Variants in PTPRN2 observed in about 807,000 individuals in gnomAD.
PTPRN2 encodes protein tyrosine phosphatase receptor type N2.
PTPRN2 carries 74 observed loss-of-function variants against 118.8 expected under a neutral mutation model. That is an observed-to-expected ratio of 0.62 (90% CI 0.52 to 0.76). The LOEUF (loss-of-function observed/expected upper bound fraction) is 0.76, where lower values mean the gene tolerates loss of function less well. Ranked by LOEUF, PTPRN2 falls within the 30% of genes least tolerant of loss-of-function variation. The pLI is 0.00. For missense variants in PTPRN2, 1,481 were observed against 1,394.4 expected, an observed-to-expected ratio of 1.06 and a Z score of -0.99; for synonymous variants, 641 against 608.0, an observed-to-expected ratio of 1.05 and a Z score of -0.80.
chr7:158,152,275 C>G (rs1036203113), intron 6 of PTPRN2, among the ~76,000 whole-genome samples: 1 of 151,770 alleles, frequency 6.6e-6, no homozygotes, highest in Non-Finnish European at 1.5e-5. Context: ...TGGAGCACTG[C>G]TCTTTCATAC....
intron 3 of PTPRN2, among the ~76,000 whole-genome samples, chr7:158,248,254 G>C (rs1031560145): frequency 6.6e-6 from 1 of 152,108 alleles, no homozygotes; most frequent in Non-Finnish European, 1.5e-5. Flanking sequence ...GAGGAGAAAA[G>C]CCTTTGCTTT....
rs1563203374 is a variant in PTPRN2, at chr7:157,881,359, C to CAG, written c.1788+17312_1788+17313dup. ...TCCTTGTAGGAAGGAGATGCAGACA[C>CAG]AGGTGCACACAGAGGGGTGAGGACT... On this transcript the variant is annotated intron_variant, in intron 12 of 22. Coordinates refer to ENST00000389418, the MANE Select transcript of PTPRN2 (RefSeq NM_002847.5). This position sits in a 1 kb window ranked among gnomAD's most constrained non-coding sequence, Gnocchi z 4.7. Among the ~76,000 whole-genome samples the CAG allele has an allele frequency of 6.6e-6, 1 of 152,140 alleles. No homozygotes were observed. The highest frequency in any genetic ancestry group is 2.4e-5 in the African/African-American group (1 of 41,396).
chr7:158,485,756 A>T (rs942952291), intron 2 of PTPRN2, among the ~76,000 whole-genome samples: 7 of 152,124 alleles, frequency 4.6e-5, no homozygotes, highest in Non-Finnish European at 8.8e-5. Context: ...GAAAAACTGG[A>T]AAACCAGAGA....
chr7:158,171,042 T>C (rs531818174), intron 5 of PTPRN2, among the ~76,000 whole-genome samples: 30 of 127,462 alleles, frequency 2.4e-4, no homozygotes, highest in African/African-American at 9.3e-4. Context: ...TATATACACA[T>C]ACATATATAT....
chr7:157,556,982 CAAT>C (rs1334984625), intron 21 of PTPRN2, among the ~76,000 whole-genome samples: 1 of 151,130 alleles, frequency 6.6e-6, no homozygotes, highest in Non-Finnish European at 1.5e-5. Flanking sequence ...CATGCACACA[CAAT>C]GTCATACATA....
At chr7:157,816,614 C>T (rs897390041) in intron 12 of PTPRN2, among the ~76,000 whole-genome samples, 45 of 152,280 alleles carry the variant, frequency 3.0e-4, no homozygotes, top group Middle Eastern at 3.4e-3. Context: ...AGGAGGGGCC[C>T]GGGGGCAGGC....
At chr7:157,908,346 C>T (rs748776222) in intron 11 of PTPRN2, among the ~76,000 whole-genome samples, 2 of 152,250 alleles carry the variant, frequency 1.3e-5, no homozygotes, top group African/African-American at 2.4e-5. Flanking sequence ...TTGCGTGAGG[C>T]CTTTCATGCC....
chr7:158,334,665 T>C (rs1586330939), intron 2 of PTPRN2, among the ~76,000 whole-genome samples: 5 of 71,974 alleles, frequency 6.9e-5, no homozygotes, highest in Non-Finnish European at 1.5e-4. Flanking sequence ...TGGTGACACC[T>C]GCAGACGTCA....
At chr7:157,786,248 G>T (rs536654168) in intron 12 of PTPRN2, among the ~76,000 whole-genome samples, 2 of 152,226 alleles carry the variant, frequency 1.3e-5, no homozygotes, top group East Asian at 3.9e-4. Context: ...TACCGTTCAC[G>T]TATCCTGGCT....
chr7:157,606,384 A>G (rs1187684977), intron 15 of PTPRN2, among the ~76,000 whole-genome samples: 1 of 152,212 alleles, frequency 6.6e-6, no homozygotes, highest in African/African-American at 2.4e-5. Flanking sequence ...CGCGTGGAAC[A>G]GGATGCCCAG....
chr7:157,880,080 T>C (rs765564448), intron 12 of PTPRN2, among the ~76,000 whole-genome samples: 1 of 152,228 alleles, frequency 6.6e-6, no homozygotes, highest in African/African-American at 2.4e-5. Flanking sequence ...CTTCCGCTTA[T>C]TCATGTGTTA....
chr7:157,640,029 C>A (rs1243840588), intron 14 of PTPRN2, among the ~76,000 whole-genome samples: 2 of 152,206 alleles, frequency 1.3e-5, no homozygotes, highest in East Asian at 3.9e-4. Flanking sequence ...ACTAAAGCCC[C>A]ACCAATGAGG....
intron 16 of PTPRN2, among the ~76,000 whole-genome samples, chr7:157,601,712 G>C (rs1440158957): frequency 6.6e-6 from 1 of 152,252 alleles, no homozygotes; most frequent in African/African-American, 2.4e-5. Context: ...CTGTGGCCTG[G>C]AATAGCGCAG....
rs1806405586 is a variant in PTPRN2 at position 158,015,765 on chromosome 7, C to T, written c.1723+65533G>A. On this transcript the variant is annotated intron_variant, in intron 11 of 22. Transcript: ENST00000389418. This position sits in a 1 kb window ranked among gnomAD's most constrained non-coding sequence, Gnocchi z 4.2. Reference sequence around the variant, plus strand: ...AAATCACAAACATGTCTGTCTATTACAATTGTCTAATGGTCCCAGGTCCAA... The same window carrying T: ...AAATCACAAACATGTCTGTCTATTATAATTGTCTAATGGTCCCAGGTCCAA... Among the ~76,000 whole-genome samples the T allele has an allele frequency of 1.3e-5, 2 of 152,216 alleles. No homozygotes were observed. Among genetic ancestry groups the T allele is most frequent in the Admixed American group, 6.5e-5 (1 of 15,286 alleles).
intron 2 of PTPRN2, among the ~76,000 whole-genome samples, chr7:158,347,959 A>G (rs1272826890): frequency 2.0e-5 from 3 of 152,048 alleles, no homozygotes; most frequent in Admixed American, 1.3e-4. Flanking sequence ...CTGTTGTGGT[A>G]TCCTAGGATG....
intron 2 of PTPRN2, among the ~76,000 whole-genome samples, chr7:158,322,536 C>T (rs1301279932): frequency 6.6e-6 from 1 of 152,016 alleles, no homozygotes; most frequent in Non-Finnish European, 1.5e-5. Context: ...CCCCAGTGGG[C>T]GGCCAGGAGG....
chr7:158,328,277 A>G (rs537229331), intron 2 of PTPRN2, among the ~76,000 whole-genome samples: 18 of 152,148 alleles, frequency 1.2e-4, no homozygotes, highest in African/African-American at 4.1e-4. Flanking sequence ...CTCACCACAC[A>G]CCCAGGTCAG....
intron 11 of PTPRN2, among the ~76,000 whole-genome samples, chr7:157,937,207 C>A (rs951364995): frequency 1.3e-5 from 2 of 152,142 alleles, no homozygotes; most frequent in African/African-American, 2.4e-5. Context: ...GGTCCTTAGC[C>A]CGAGTGACCA....
At chr7:157,660,726 A>G (rs184534758) in intron 13 of PTPRN2, among the ~76,000 whole-genome samples, 22 of 152,318 alleles carry the variant, frequency 1.4e-4, no homozygotes, top group African/African-American at 4.8e-4. Context: ...TGGCAAATGT[A>G]AAGATATTTC....
Sources: allele counts gnomAD v4.1 joint callset (sites outside exome capture counted in the v4.1 genomes callset), GRCh38; gene constraint gnomAD v4.1.1; non-coding constraint Gnocchi (gnomAD v3.1); transcripts MANE v1.5; gene names NCBI Gene and HGNC (gene_info 2026-07-23, HGNC 2026-07-21).